CALN1: variants seen among roughly 807,000 people sequenced by gnomAD.
The protein encoded by CALN1 is calneuron 1.
In CALN1, 17 loss-of-function variants were observed where a neutral mutation model predicts 30.6. The ratio of observed to expected loss-of-function variants is 0.56; its 90% CI spans 0.38 to 0.83. The LOEUF is 0.83. Ranked by LOEUF, CALN1 falls within the 40% of genes least tolerant of loss-of-function variation. The pLI is 0.00. For synonymous variants in CALN1, 156 were observed against 131.4 expected (o/e 1.19, Z -1.28); for missense variants, 291 against 354.9 (o/e 0.82, Z 1.45).
At chr7:72,330,657 T>C (rs1240854507) in intron 2 of CALN1, among the ~76,000 whole-genome samples, 1 of 152,242 alleles carries the variant, frequency 6.6e-6, no homozygotes, top group East Asian at 1.9e-4. Flanking sequence ...GAACCAGAGA[T>C]GCTCAATACA....
intron 3 of CALN1, among the ~76,000 whole-genome samples, chr7:72,111,860 C>G (rs2129541605): frequency 6.6e-6 from 1 of 152,098 alleles, no homozygotes; most frequent in Non-Finnish European, 1.5e-5. Flanking sequence ...AAGCAATTTT[C>G]CTGCCTCAGC....
At chr7:71,814,227 C>A (rs113697664) in intron 5 of CALN1, among the ~76,000 whole-genome samples, 5 of 152,160 alleles carry the variant, frequency 3.3e-5, no homozygotes, top group African/African-American at 1.2e-4. Flanking sequence ...CCATGTTTTG[C>A]TTTCCAGAGG....
chr7:72,064,962 C>T (rs1803912450), intron 4 of CALN1, among the ~76,000 whole-genome samples: 1 of 151,544 alleles, frequency 6.6e-6, no homozygotes, highest in Admixed American at 6.6e-5. Context: ...AGAAACATAG[C>T]TGCAGTGCAC....
intron 2 of CALN1, among the ~76,000 whole-genome samples, chr7:72,284,908 G>A (rs1797982839): frequency 6.6e-6 from 1 of 152,118 alleles, no homozygotes; most frequent in African/African-American, 2.4e-5. Context: ...CTGTTTCTTT[G>A]GAGAACCCAC....
rs141959781 is a variant in CALN1, at chr7:72,286,845, A to G, written c.120-8035T>C. 1.3e-3 allele frequency among the ~76,000 whole-genome samples: 193 copies of G among 152,362 alleles called. 1 individual carries two copies. Among genetic ancestry groups the G allele is most frequent in the South Asian group, 3.7e-3 (18 of 4,832 alleles). On this transcript the variant is annotated intron_variant, in intron 2 of 6. Coordinates refer to ENST00000395275, the MANE Select transcript of CALN1 (RefSeq NM_031468.4). ...GCAAAAGCCTATTGCCAATAATGATATAATACAAGAAAGGACAATTTTACA... is the reference window on the plus strand; with the variant it reads ...GCAAAAGCCTATTGCCAATAATGATGTAATACAAGAAAGGACAATTTTACA...
At chr7:72,340,815 G>C (rs1359655674) in intron 2 of CALN1, among the ~76,000 whole-genome samples, 1 of 152,136 alleles carries the variant, frequency 6.6e-6, no homozygotes, top group Admixed American at 6.5e-5. Flanking sequence ...CCATTTTCAT[G>C]GTAGTGAGTA....
At chr7:72,294,319 T>C (rs551246718) in intron 2 of CALN1, among the ~76,000 whole-genome samples, 38 of 152,226 alleles carry the variant, frequency 2.5e-4, no homozygotes, top group East Asian at 1.2e-3. Flanking sequence ...CTAAAAAACA[T>C]TGAAGTACAG....
intron 2 of CALN1, among the ~76,000 whole-genome samples, chr7:72,395,520 G>A (rs1412927244): frequency 2.0e-5 from 3 of 152,122 alleles, no homozygotes; most frequent in African/African-American, 4.8e-5. Flanking sequence ...AGTATCATCC[G>A]AATTTTACTG....
chr7:71,897,339 A>T (rs1793586273), intron 5 of CALN1, among the ~76,000 whole-genome samples: 2 of 152,300 alleles, frequency 1.3e-5, no homozygotes, highest in South Asian at 4.1e-4. Flanking sequence ...ATTTCTTGGA[A>T]ATGTAATCTT....
chr7:72,097,751 A>G (rs928577517), intron 4 of CALN1, among the ~76,000 whole-genome samples: 2 of 151,798 alleles, frequency 1.3e-5, no homozygotes, highest in African/African-American at 4.8e-5. Flanking sequence ...TCTCACTAGG[A>G]CACCCAGGCT....
At chr7:72,241,225 C>T (rs901458324) in intron 3 of CALN1, among the ~76,000 whole-genome samples, 1 of 152,180 alleles carries the variant, frequency 6.6e-6, no homozygotes, top group African/African-American at 2.4e-5. Context: ...ATTCAACAGG[C>T]ATTTATTGGT....
intron 2 of CALN1, among the ~76,000 whole-genome samples, chr7:72,353,928 T>G (rs190211011): frequency 1.9e-4 from 29 of 152,318 alleles, no homozygotes; most frequent in Admixed American, 1.1e-3. Context: ...GGCTCACACC[T>G]GTAATCCCAG....
At chr7:72,292,450 G>A (rs1798549376) in intron 2 of CALN1, among the ~76,000 whole-genome samples, 1 of 148,858 alleles carries the variant, frequency 6.7e-6, no homozygotes, top group Non-Finnish European at 1.5e-5. Flanking sequence ...CCTTTGAGAG[G>A]TGATTGGGTC....
intron 2 of CALN1, among the ~76,000 whole-genome samples, chr7:72,372,048 C>T (rs1346993141): frequency 6.6e-6 from 1 of 152,138 alleles, no homozygotes; most frequent in Non-Finnish European, 1.5e-5. Flanking sequence ...GAAAGTTGAA[C>T]GTAGGTATTA....
chr7:72,034,795 CAA>C (rs57756121), intron 4 of CALN1, among the ~76,000 whole-genome samples: 1,086 of 52,516 alleles, frequency 0.021, 5 homozygotes, highest in African/African-American at 0.065. Context: ...GACTCTGTCT[CAA>C]AAAAAAAAAA....
intron 4 of CALN1, among the ~76,000 whole-genome samples, chr7:72,032,520 C>T (rs1562994107): frequency 6.6e-6 from 1 of 152,174 alleles, no homozygotes; most frequent in Non-Finnish European, 1.5e-5. Flanking sequence ...CCGTATTGTA[C>T]TGCCTTCCCT....
chr7:72,360,746 G>T (rs1259555347), intron 2 of CALN1, among the ~76,000 whole-genome samples: 1 of 149,824 alleles, frequency 6.7e-6, no homozygotes, highest in Non-Finnish European at 1.5e-5. Context: ...GTATAATTTT[G>T]AGACAGAGTC....
chr7:72,378,553 T>C (rs547192572), intron 2 of CALN1, among the ~76,000 whole-genome samples: 2 of 152,334 alleles, frequency 1.3e-5, no homozygotes, highest in African/African-American at 4.8e-5. Context: ...TCACTTCAAG[T>C]AGAATGTAAA....
intron 5 of CALN1, among the ~76,000 whole-genome samples, chr7:72,009,780 T>C (rs542718175): frequency 2.3e-4 from 35 of 152,310 alleles, no homozygotes; most frequent in Middle Eastern, 3.4e-3. Flanking sequence ...TTCTCTCTTG[T>C]CTGCCACCAT....
Sources: gnomAD v4.1 joint callset for allele counts (sites outside exome capture counted in the v4.1 genomes callset) on GRCh38, gnomAD v4.1.1 for gene constraint, MANE v1.5 for transcripts, NCBI Gene and HGNC (gene_info 2026-07-23, HGNC 2026-07-21) for gene names.